MS4A4E: variants seen among roughly 807,000 people sequenced by gnomAD.
MS4A4E encodes the protein membrane spanning 4-domains A4E.
Under a neutral mutation model 13.3 loss-of-function variants are expected in MS4A4E, and 23 were observed. That is an observed-to-expected ratio of 1.73 (90% confidence interval 1.25 to 2.45). The LOEUF is 2.45. Among genes scored for constraint, MS4A4E ranks in the 30% most tolerant of loss-of-function variants. The pLI is 0.00. For missense variants in MS4A4E, 144 were observed against 131.2 expected (o/e 1.10, Z -0.48); for synonymous variants, 36 against 45.6 (o/e 0.79, Z 0.85).
In MS4A4E at chr11:60,214,519, A is replaced by T. The variant is rs2134932100; in HGVS notation, c.222+52T>A. On this transcript the variant is annotated intron_variant, in intron 4 of 8. Coordinates refer to ENST00000651255, the MANE Select transcript of MS4A4E (RefSeq NM_001393391.1). ...AACCTGTTTTATACCCTGGCAGAAT[A>T]CATTATTGATTAATCCTTTCCTTTT... The T allele has an allele frequency of 4.6e-6, 6 of 1,296,384 alleles. No individual in the cohort carries two copies. The South Asian group carries it at 8.8e-5, about 19-fold the overall frequency. 80.3% of individuals were successfully genotyped at this position (1,296,384 alleles called of 1,614,324 possible). A position where few individuals can be genotyped will look rare whatever the true frequency, so the allele number is the denominator to read the frequency against.
intron 1 of MS4A4E, among the ~76,000 whole-genome samples, chr11:60,233,411 C>A (rs2084438131): frequency 6.6e-6 from 1 of 152,232 alleles, no homozygotes; most frequent in Non-Finnish European, 1.5e-5. Flanking sequence ...AGTCTCAATT[C>A]CATCCCTGCT....
chr11:60,204,299 C>A (rs780778876), intron 8 of MS4A4E, among the ~76,000 whole-genome samples: 1 of 152,128 alleles, frequency 6.6e-6, no homozygotes, highest in Non-Finnish European at 1.5e-5. Context: ...ATATTTAAAA[C>A]GTCAGGGATT....
intron 1 of MS4A4E, among the ~76,000 whole-genome samples, chr11:60,232,847 A>T (rs1234899406): frequency 6.6e-6 from 1 of 152,082 alleles, no homozygotes; most frequent in Non-Finnish European, 1.5e-5. Context: ...TCCTGAGCCA[A>T]ACTGCCGCTA....
chr11:60,206,832 C>T (rs948062408), intron 6 of MS4A4E: 4 of 205,754 alleles, frequency 1.9e-5, no homozygotes, highest in African/African-American at 4.7e-5. Context: ...TCAGAGTTTA[C>T]TCTTTTCTTC....
rs565607985 is a variant in MS4A4E, at chr11:60,228,737, A to G, written c.145-110T>C. ...AAATAAACTGTGGTACCTCTAGACA[A>G]TGAAATATTATTCAGTACTAAAAAT... is the stretch of plus-strand genomic sequence containing the variant. On this transcript the variant is annotated intron_variant, in intron 2 of 8. Transcript: ENST00000651255. 400 of 534,408 alleles carry G rather than the reference A, an allele frequency of 7.5e-4. 3 individuals are homozygous for G. Among genetic ancestry groups the G allele is most frequent in the African/African-American group, 6.6e-3 (343 of 51,990 alleles). The allele number at this position is 534,408 out of a possible 1,614,324, so 33.1% of individuals were successfully genotyped here.
chr11:60,232,677 C>A (rs1201678627), intron 1 of MS4A4E, among the ~76,000 whole-genome samples: 2 of 152,130 alleles, frequency 1.3e-5, no homozygotes, highest in African/African-American at 4.8e-5. Flanking sequence ...GAGGAGCTGA[C>A]ACTGTGCCCT....
At chr11:60,237,336 T>A (rs1282462808) in intron 1 of MS4A4E, among the ~76,000 whole-genome samples, 1 of 152,234 alleles carries the variant, frequency 6.6e-6, no homozygotes, top group Non-Finnish European at 1.5e-5. Context: ...ATTTTCTTTA[T>A]CCAGCCTACT....
chr11:60,226,874 T>C (rs958378745), intron 3 of MS4A4E, among the ~76,000 whole-genome samples: 1 of 152,160 alleles, frequency 6.6e-6, no homozygotes, highest in Non-Finnish European at 1.5e-5. Context: ...TGATTGTCTG[T>C]GTAGAATATC....
At chr11:60,239,970 CA>C (rs1377883825) in intron 1 of MS4A4E, among the ~76,000 whole-genome samples, 1 of 152,166 alleles carries the variant, frequency 6.6e-6, no homozygotes, top group Non-Finnish European at 1.5e-5. Context: ...GATCATTTAT[CA>C]AATTGTTCCA....
At chr11:60,237,351 A>G (rs2084496207) in intron 1 of MS4A4E, among the ~76,000 whole-genome samples, 2 of 152,118 alleles carry the variant, frequency 1.3e-5, no homozygotes, top group Non-Finnish European at 2.9e-5. Context: ...CCTACTATTG[A>G]TGGGCATTTA....
chr11:60,214,743 G>A, intron 3 of MS4A4E, 129 bp from the exon 4 acceptor site: 1 of 476,336 alleles, frequency 2.1e-6, no homozygotes, highest in Non-Finnish European at 3.5e-6. Flanking sequence ...AATTATCTTA[G>A]AAAGCAAGAG....
chr11:60,211,482 T>C (rs1212505690), intron 5 of MS4A4E, among the ~76,000 whole-genome samples: 1 of 152,150 alleles, frequency 6.6e-6, no homozygotes, highest in African/African-American at 2.4e-5. Flanking sequence ...AGGAAGAGTG[T>C]TGAGTTTCCA....
chr11:60,239,903 G>A (rs191966667), intron 1 of MS4A4E, among the ~76,000 whole-genome samples: 3 of 152,322 alleles, frequency 2.0e-5, no homozygotes, highest in East Asian at 1.9e-4. Flanking sequence ...CTGAACTTGA[G>A]AGAATTGTCC....
At chr11:60,220,406 A>T (rs11230196) in intron 3 of MS4A4E, among the ~76,000 whole-genome samples, 23,153 of 152,190 alleles carry the variant, frequency 0.15, 2,023 homozygotes, top group African/African-American at 0.23. Context: ...TATAAGGCCC[A>T]CCAGAAGCAA....
chr11:60,213,677 T>C (rs1377510089), intron 4 of MS4A4E, among the ~76,000 whole-genome samples: 2 of 152,204 alleles, frequency 1.3e-5, no homozygotes. Context: ...AAACCGATAT[T>C]GATCATGCTC....
At chr11:60,225,217 C>T in intron 3 of MS4A4E, 4 of 895,000 alleles carry the variant, frequency 4.5e-6, no homozygotes, top group Non-Finnish European at 6.2e-6. Flanking sequence ...CCTTGATATT[C>T]TGTTGTCACT....
At chr11:60,225,204 T>C in intron 3 of MS4A4E, 1 of 1,047,922 alleles carries the variant, frequency 9.5e-7, no homozygotes, top group African/African-American at 1.6e-5. Context: ...TATAGTCATA[T>C]GACCTTGATA....
chr11:60,235,898 A>C (rs1374037072), intron 1 of MS4A4E, among the ~76,000 whole-genome samples: 2 of 152,192 alleles, frequency 1.3e-5, no homozygotes, highest in Non-Finnish European at 2.9e-5. Flanking sequence ...TATTAGTTAC[A>C]TTTAGGTCTT....
At chr11:60,226,590 T>A (rs1172255878) in intron 3 of MS4A4E, among the ~76,000 whole-genome samples, 1 of 152,204 alleles carries the variant, frequency 6.6e-6, no homozygotes, top group Non-Finnish European at 1.5e-5. Context: ...ATCCAATGCC[T>A]GTTTATTATA....
Sources: allele counts gnomAD v4.1 joint callset (sites outside exome capture counted in the v4.1 genomes callset), GRCh38; gene constraint gnomAD v4.1.1; transcripts MANE v1.5; gene names NCBI Gene and HGNC (gene_info 2026-07-23, HGNC 2026-07-21).